Variants in AGK observed in about 807,000 individuals in gnomAD.
The protein encoded by AGK is acylglycerol kinase, mitochondrial.
In AGK, 52 loss-of-function variants were observed where a neutral mutation model predicts 66.4. The ratio of observed to expected loss-of-function variants is 0.78; its 90% CI spans 0.63 to 0.99. The LOEUF is 0.99. AGK is among the 50% of genes least tolerant of loss of function. The pLI is 0.00. For synonymous variants in AGK, 182 were observed against 181.1 expected (o/e 1.00, Z -0.04); for missense variants, 451 against 506.6 (o/e 0.89, Z 1.05).
chr7:141,593,627 A>G, intron 3 of AGK: 1 of 529,234 alleles, frequency 1.9e-6, no homozygotes, highest in South Asian at 2.7e-5. Flanking sequence ...AGTTCAACTG[A>G]TCCATATCAT....
intron 8 of AGK, among the ~76,000 whole-genome samples, chr7:141,619,638 A>G (rs1169983183): frequency 6.6e-6 from 1 of 152,014 alleles, no homozygotes; most frequent in African/African-American, 2.4e-5. Flanking sequence ...CTACCATGAG[A>G]TGCCACTATG....
intron 10 of AGK, among the ~76,000 whole-genome samples, chr7:141,634,210 AGAG>A (rs1366808046): frequency 6.6e-6 from 1 of 152,200 alleles, no homozygotes; most frequent in Admixed American, 6.5e-5. Context: ...CAGTAGCTGA[AGAG>A]GAGAAGGGTA....
chr7:141,601,878 A>G (rs903101543), intron 5 of AGK, among the ~76,000 whole-genome samples: 2 of 152,134 alleles, frequency 1.3e-5, no homozygotes, highest in Non-Finnish European at 2.9e-5. Flanking sequence ...CTGTTGACCA[A>G]TTTCTAATAT....
chr7:141,584,445 C>A (rs188269145), intron 2 of AGK, among the ~76,000 whole-genome samples: 2 of 152,298 alleles, frequency 1.3e-5, no homozygotes, highest in East Asian at 1.9e-4. Flanking sequence ...GCCTGACACT[C>A]AATGTAAATC....
At chr7:141,553,005 C>T (rs1214966641) in intron 1 of AGK, among the ~76,000 whole-genome samples, 3 of 151,828 alleles carry the variant, frequency 2.0e-5, no homozygotes, top group African/African-American at 7.3e-5. Context: ...GTTTGGGCTA[C>T]TGTAAAAAAA....
At chr7:141,622,750 C>T (rs1428457561) in intron 9 of AGK, among the ~76,000 whole-genome samples, 1 of 152,176 alleles carries the variant, frequency 6.6e-6, no homozygotes, top group Non-Finnish European at 1.5e-5. Flanking sequence ...CTGTCTCTCA[C>T]TTTAAATCAA....
At chr7:141,559,580 T>G (rs1795292621) in intron 2 of AGK, among the ~76,000 whole-genome samples, 1 of 152,202 alleles carries the variant, frequency 6.6e-6, no homozygotes, top group African/African-American at 2.4e-5. Flanking sequence ...CAAGATTGTT[T>G]TGGATGTTTG....
In AGK at chr7:141,615,558, A is replaced by C. The variant is rs771035261; in HGVS notation, c.511A>C (p.Lys171Gln). Reference protein sequence around the residue: ...SHTLFAESGNKVQHITDATLA... With the variant: ...SHTLFAESGNQVQHITDATLA... ...TACCCTCTTTGCCGAAAGTGGAAACAAAGTCCAGTAGGTTGTCAATGTGGG... is the reference window on the plus strand; with the variant it reads ...TACCCTCTTTGCCGAAAGTGGAAACCAAGTCCAGTAGGTTGTCAATGTGGG... The change falls in exon 8 of 16, where the codon AAA (lysine) becomes CAA (glutamine). Residue 171 changes from lysine (K) to glutamine (Q), a missense_variant. By Grantham distance (53) the Lys-to-Gln change is moderately conservative. Transcript: ENST00000649286. The C allele has an allele frequency of 2.5e-6, 4 of 1,612,868 alleles. No individual in the cohort carries two copies. The South Asian group carries it at 4.4e-5, about 18-fold the overall frequency.
chr7:141,613,541 C>T (rs1796642208), intron 6 of AGK, among the ~76,000 whole-genome samples: 1 of 152,162 alleles, frequency 6.6e-6, no homozygotes, highest in Middle Eastern at 3.2e-3. Context: ...ATCGCTTGAA[C>T]CTGGGAAGCA....
intron 2 of AGK, among the ~76,000 whole-genome samples, chr7:141,564,741 T>C (rs1233393492): frequency 6.6e-6 from 1 of 152,206 alleles, no homozygotes; most frequent in Non-Finnish European, 1.5e-5. Flanking sequence ...TGTTACTTTT[T>C]TTTTTGAGAC....
intron 3 of AGK, among the ~76,000 whole-genome samples, chr7:141,596,017 G>T (rs1339979832): frequency 6.6e-6 from 1 of 152,156 alleles, no homozygotes; most frequent in Non-Finnish European, 1.5e-5. Flanking sequence ...AAGGTGCTTG[G>T]TATATATTAG....
chr7:141,642,225 T>C (rs879510579), intron 13 of AGK, among the ~76,000 whole-genome samples: 4 of 152,198 alleles, frequency 2.6e-5, no homozygotes, highest in East Asian at 1.9e-4. Flanking sequence ...TGGAAAAAAA[T>C]TGTGGAACTT....
At chr7:141,632,843 C>T (rs1158165767) in intron 9 of AGK, among the ~76,000 whole-genome samples, 1 of 152,186 alleles carries the variant, frequency 6.6e-6, no homozygotes, top group Non-Finnish European at 1.5e-5. Context: ...GCATCCTTTC[C>T]TTGCAGGCTT....
intron 13 of AGK, among the ~76,000 whole-genome samples, chr7:141,647,551 G>A (rs146237838): frequency 7.8e-4 from 119 of 152,274 alleles, no homozygotes; most frequent in African/African-American, 2.8e-3. Flanking sequence ...CCAGTTCTCA[G>A]ATCAGCACAT....
At chr7:141,573,281 T>G (rs1426511736) in intron 2 of AGK, among the ~76,000 whole-genome samples, 2 of 152,202 alleles carry the variant, frequency 1.3e-5, no homozygotes, top group African/African-American at 4.8e-5. Flanking sequence ...ATTTTTATTT[T>G]AAGTACAATG....
intron 2 of AGK, among the ~76,000 whole-genome samples, chr7:141,592,460 G>A (rs928349269): frequency 6.6e-5 from 10 of 152,062 alleles, no homozygotes; most frequent in African/African-American, 2.2e-4. Context: ...GGTTAGATTG[G>A]GCCCATCTTG....
rs1227141917 is a variant in AGK at position 141,598,469 on chromosome 7, CT to C, written c.221+1829del. On this transcript the variant is annotated intron_variant, in intron 4 of 15. Transcript: ENST00000649286. This position sits in a 1 kb window ranked among gnomAD's most constrained non-coding sequence, Gnocchi z 4.2. ...TTTACTGTTTTGCCACTTACTAGCTCTATGATATTGTGGGAGTTAATTCACT... is the reference window on the plus strand; with the variant it reads ...TTTACTGTTTTGCCACTTACTAGCTCATGATATTGTGGGAGTTAATTCACT... Among the ~76,000 whole-genome samples, 1 of 152,098 alleles carries C rather than the reference CT, an allele frequency of 6.6e-6. No individual in the cohort carries two copies. The highest frequency in any genetic ancestry group is 6.5e-5 in the Admixed American group (1 of 15,270).
intron 9 of AGK, among the ~76,000 whole-genome samples, chr7:141,631,080 A>G (rs1420113939): frequency 6.6e-6 from 1 of 152,182 alleles, no homozygotes; most frequent in Non-Finnish European, 1.5e-5. Context: ...GAGGGTAGGA[A>G]TATTTTTGGC....
chr7:141,553,360 C>T (rs1414617639), intron 1 of AGK, among the ~76,000 whole-genome samples: 9 of 152,140 alleles, frequency 5.9e-5, no homozygotes, highest in South Asian at 4.1e-4. Flanking sequence ...AAAACTCCTT[C>T]GTTACTTTAG....
Sources: gnomAD v4.1 joint callset for allele counts (sites outside exome capture counted in the v4.1 genomes callset) on GRCh38, gnomAD v4.1.1 for gene constraint, Gnocchi (gnomAD v3.1) non-coding constraint, MANE v1.5 for transcripts, NCBI Gene and HGNC (gene_info 2026-07-23, HGNC 2026-07-21) for gene names.